TBC1D32: variants seen among roughly 807,000 people sequenced by gnomAD.
TBC1D32 encodes protein broad-minded.
TBC1D32 carries 151 observed loss-of-function variants against 170.3 expected under a neutral mutation model. The observed-to-expected ratio is 0.89, with a 90% confidence interval of 0.78 to 1.01. TBC1D32 has a LOEUF of 1.01. Ranked by LOEUF, TBC1D32 falls within the 50% of genes least tolerant of loss-of-function variation. The probability of loss-of-function intolerance (pLI) is 0.00; values close to 1 mark genes in which losing one functional copy is unlikely to be tolerated. For synonymous variants in TBC1D32, 498 were observed against 488.0 expected, an observed-to-expected ratio of 1.02 and a Z score of -0.27; for missense variants, 1,464 against 1,457.1, an observed-to-expected ratio of 1.00 and a Z score of -0.08.
At position 121,180,197 on chromosome 6, in the gene TBC1D32, T is replaced by A. The variant is rs536374789; in HGVS notation, c.2571-19141A>T. Among the ~76,000 whole-genome samples, 4 of 152,224 alleles carry A rather than the reference T, an allele frequency of 2.6e-5. No individual in the cohort carries two copies. In the South Asian group the frequency reaches 8.3e-4, roughly 32 times the overall value. ...ATCTCTAGACTCAATACAATGATAA[T>A]TAAAATCTCAGCGACTTGGTTTATG... On this transcript the variant is annotated intron_variant, in intron 22 of 31. Transcript: ENST00000398212.
chr6:121,082,148 C>T (rs1016098115), intron 31 of TBC1D32, among the ~76,000 whole-genome samples: 21 of 151,890 alleles, frequency 1.4e-4, no homozygotes, highest in African/African-American at 3.4e-4. Context: ...ACTGAAGACA[C>T]GAAGATGAGT....
chr6:121,284,239 A>C (rs1021796654), intron 12 of TBC1D32, among the ~76,000 whole-genome samples: 2 of 152,106 alleles, frequency 1.3e-5, no homozygotes, highest in Non-Finnish European at 2.9e-5. Context: ...GAGTAGTAAA[A>C]TTCAGCTTAC....
At chr6:121,197,921 A>T (rs1322631848) in intron 22 of TBC1D32, among the ~76,000 whole-genome samples, 2 of 152,062 alleles carry the variant, frequency 1.3e-5, no homozygotes, top group African/African-American at 2.4e-5. Flanking sequence ...GGCACCATCT[A>T]ATCAGCTGCT....
chr6:121,297,552 A>C (rs1339177461), intron 10 of TBC1D32, among the ~76,000 whole-genome samples: 1 of 152,130 alleles, frequency 6.6e-6, no homozygotes, highest in Non-Finnish European at 1.5e-5. Context: ...TTAGGCCGAC[A>C]GCCAAAACTT....
chr6:121,221,024 G>C (rs1207595324), intron 21 of TBC1D32, among the ~76,000 whole-genome samples: 2 of 152,108 alleles, frequency 1.3e-5, no homozygotes, highest in African/African-American at 4.8e-5. Context: ...GGAGAAGTCA[G>C]TGCCTGGATC....
chr6:121,261,888 T>C lies in TBC1D32; in HGVS notation c.1734-5603A>G, dbSNP rs191276842. On this transcript the variant is annotated intron_variant, in intron 15 of 31. Transcript: ENST00000398212. ...GCAAAGATGCTTAGAACCATGATAC[T>C]AGGTTACAGGAGCTGCTAACTAGAA... is the stretch of plus-strand genomic sequence containing the variant. 3.9e-3 allele frequency among the ~76,000 whole-genome samples: 590 copies of C among 151,264 alleles called. 4 individuals carry two copies. The highest frequency in any genetic ancestry group is 5.7e-3 in the Non-Finnish European group (384 of 67,862).
In TBC1D32 at chr6:121,272,914, G is replaced by A. The variant is rs571586043; in HGVS notation, c.1733+6207C>T. Among the ~76,000 whole-genome samples the A allele has an allele frequency of 6.7e-4, 102 of 152,260 alleles. No homozygotes were observed. In the East Asian group the frequency reaches 0.012, roughly 18 times the overall value. ...GAAAATGTGGCACATATACACCATGGAATACTACGCAGCCATAAAAACGGA... is the reference window on the plus strand; with the variant it reads ...GAAAATGTGGCACATATACACCATGAAATACTACGCAGCCATAAAAACGGA... On this transcript the variant is annotated intron_variant, in intron 15 of 31. Coordinates refer to ENST00000398212, the MANE Select transcript of TBC1D32 (RefSeq NM_152730.6).
At chr6:121,324,470 A>G (rs964930388) in intron 1 of TBC1D32, among the ~76,000 whole-genome samples, 1 of 152,270 alleles carries the variant, frequency 6.6e-6, no homozygotes. Flanking sequence ...AGCCTAAGCT[A>G]TTTTGTAAAT....
In TBC1D32 at chr6:121,304,966, T is replaced by A. The variant is rs1296930016; in HGVS notation, c.691-133A>T. ...AACCATTCAGAAACTAGAGTCAGAA[T>A]GTACTTATTTAAAAAGGGCACACTC... On this transcript the variant is annotated intron_variant, in intron 5 of 31. Coordinates refer to ENST00000398212, the MANE Select transcript of TBC1D32 (RefSeq NM_152730.6). 4.6e-6 allele frequency: 3 copies of A among 647,576 alleles called. No individual in the cohort carries two copies. In the East Asian group the frequency reaches 8.4e-5, roughly 18 times the overall value. 40.1% of individuals were successfully genotyped at this position (647,576 alleles called of 1,614,324 possible).
At chr6:121,092,090 A>AT (rs1314113033) in intron 30 of TBC1D32, among the ~76,000 whole-genome samples, 3 of 152,082 alleles carry the variant, frequency 2.0e-5, no homozygotes, top group Admixed American at 2.0e-4. Flanking sequence ...TAACACTTTG[A>AT]TTATGGCCTT....
chr6:121,179,973 G>T (rs1271250885), intron 22 of TBC1D32, among the ~76,000 whole-genome samples: 1 of 151,972 alleles, frequency 6.6e-6, no homozygotes, highest in African/African-American at 2.4e-5. Context: ...CACTGATATT[G>T]TCACACATTA....
At chr6:121,257,539 T>C (rs969747391) in intron 15 of TBC1D32, among the ~76,000 whole-genome samples, 1 of 152,174 alleles carries the variant, frequency 6.6e-6, no homozygotes, top group African/African-American at 2.4e-5. Context: ...GTGAAGAACT[T>C]TTCCTCAGTA....
At chr6:121,205,949 T>C in intron 21 of TBC1D32, among the ~76,000 whole-genome samples, 1 of 152,120 alleles carries the variant, frequency 6.6e-6, no homozygotes. Context: ...TGGTCGCTCA[T>C]GCCTGTAATC....
intron 4 of TBC1D32, among the ~76,000 whole-genome samples, chr6:121,309,169 A>ATTATTT (rs1258553121): frequency 6.6e-6 from 1 of 152,214 alleles, no homozygotes; most frequent in East Asian, 1.9e-4. Flanking sequence ...GCAGCAAGGG[A>ATTATTT]AATATTGAGA....
At chr6:121,228,745 A>C (rs1366431006) in intron 20 of TBC1D32, among the ~76,000 whole-genome samples, 1 of 152,124 alleles carries the variant, frequency 6.6e-6, no homozygotes, top group Non-Finnish European at 1.5e-5. Context: ...AATATTCTAT[A>C]AATATCAAAT....
chr6:121,324,616 C>A (rs1583767235), intron 1 of TBC1D32, among the ~76,000 whole-genome samples: 1 of 152,118 alleles, frequency 6.6e-6, no homozygotes, highest in Non-Finnish European at 1.5e-5. Flanking sequence ...ATAGTCTGTG[C>A]TTCTTTTGGT....
chr6:121,293,199 G>A (rs186236550), intron 11 of TBC1D32, among the ~76,000 whole-genome samples: 6 of 150,346 alleles, frequency 4.0e-5, no homozygotes, highest in Admixed American at 1.3e-4. Flanking sequence ...GCAAAACCAT[G>A]AAGGACTAAG....
chr6:121,090,633 G>A (rs969452268), intron 31 of TBC1D32, among the ~76,000 whole-genome samples: 2 of 152,116 alleles, frequency 1.3e-5, no homozygotes, highest in East Asian at 3.8e-4. Context: ...GTTGGATCCA[G>A]ACAGCTTATT....
At chr6:121,219,162 T>A (rs1794202922) in intron 21 of TBC1D32, among the ~76,000 whole-genome samples, 3 of 152,038 alleles carry the variant, frequency 2.0e-5, no homozygotes, top group Non-Finnish European at 4.4e-5. Flanking sequence ...GAAAGAAACA[T>A]AGAGACTTAA....
Sources: allele counts gnomAD v4.1 joint callset (sites outside exome capture counted in the v4.1 genomes callset), GRCh38; gene constraint gnomAD v4.1.1; transcripts MANE v1.5; gene names NCBI Gene and HGNC (gene_info 2026-07-23, HGNC 2026-07-21).